TNIK: variants seen among roughly 807,000 people sequenced by gnomAD.
TNIK encodes the protein TRAF2 and NCK-interacting protein kinase.
TNIK carries 49 observed loss-of-function variants against 191.3 expected under a neutral mutation model. That is an observed-to-expected ratio of 0.26 (90% confidence interval 0.20 to 0.32). The LOEUF is 0.32. Ranked by LOEUF, TNIK falls within the 10% of genes least tolerant of loss-of-function variation. TNIK has a pLI of 1.00. For missense variants in TNIK, 1,155 were observed against 1,702.3 expected, an observed-to-expected ratio of 0.68 and a Z score of 5.66; for synonymous variants, 594 against 600.9, an observed-to-expected ratio of 0.99 and a Z score of 0.17.
intron 1 of TNIK, among the ~76,000 whole-genome samples, chr3:171,413,967 A>G (rs1722729181): frequency 6.6e-6 from 1 of 152,162 alleles, no homozygotes; most frequent in Non-Finnish European, 1.5e-5. Flanking sequence ...TGTCAGCTAT[A>G]ATTATTATCA....
intron 15 of TNIK, among the ~76,000 whole-genome samples, chr3:171,131,085 T>G (rs34983268): frequency 0.1 from 14,863 of 144,470 alleles, 859 homozygotes; most frequent in African/African-American, 0.17. Context: ...CATTAGAAAT[T>G]AACAGGGCAT....
chr3:171,149,633 G>A (rs1045995682), intron 12 of TNIK, among the ~76,000 whole-genome samples: 15 of 152,204 alleles, frequency 9.9e-5, no homozygotes, highest in East Asian at 1.9e-4. Context: ...CAGATGACAC[G>A]GCTCCCTGAA....
chr3:171,197,276 T>A, intron 4 of TNIK, among the ~76,000 whole-genome samples: 1 of 152,052 alleles, frequency 6.6e-6, no homozygotes, highest in East Asian at 1.9e-4. Context: ...GACCTAAATA[T>A]AAGAGCTAAC....
At chr3:171,194,134 T>C (rs1560243007) in intron 5 of TNIK, among the ~76,000 whole-genome samples, 1 of 152,220 alleles carries the variant, frequency 6.6e-6, no homozygotes, top group Non-Finnish European at 1.5e-5. Flanking sequence ...TTGTGAACTT[T>C]CACAAACAGA....
chr3:171,383,425 T>G (rs751167752), intron 1 of TNIK, among the ~76,000 whole-genome samples: 3 of 152,238 alleles, frequency 2.0e-5, no homozygotes, highest in Non-Finnish European at 4.4e-5. Flanking sequence ...GGCAACGTTC[T>G]CTGACTGCTG....
chr3:171,393,439 C>A (rs1025951914), intron 1 of TNIK, among the ~76,000 whole-genome samples: 7 of 152,222 alleles, frequency 4.6e-5, no homozygotes. Flanking sequence ...AAGGGCAGAT[C>A]TCTAAATTAT....
intron 8 of TNIK, among the ~76,000 whole-genome samples, chr3:171,175,723 A>C (rs542972351): frequency 1.2e-4 from 18 of 152,334 alleles, no homozygotes; most frequent in South Asian, 4.1e-4. Flanking sequence ...CTAAGCCATA[A>C]ATAAAAGGCA....
chr3:171,094,259 C>T (rs568957492), intron 22 of TNIK, among the ~76,000 whole-genome samples: 111 of 151,870 alleles, frequency 7.3e-4, no homozygotes, highest in Non-Finnish European at 1.4e-3. Flanking sequence ...CTCAGCCTCC[C>T]GAGTAGCTGG....
intron 1 of TNIK, among the ~76,000 whole-genome samples, chr3:171,376,742 T>C (rs566472572): frequency 6.9e-6 from 1 of 144,360 alleles, no homozygotes; most frequent in Non-Finnish European, 1.5e-5. Context: ...GATAGATAGA[T>C]AGATGATAGA....
Position 171,128,739 on chromosome 3 carries a change from G to C in TNIK, c.1748C>G (p.Pro583Arg), listed in dbSNP as rs565066249. The change falls in exon 16 of 33, where the codon CCC (proline) becomes CGC (arginine). Residue 583 changes from proline to arginine, a missense_variant. Around this residue, in one of 3 missense-constraint regions of TNIK, gnomAD observed 735 missense variants for 848.0 expected, o/e 0.87. Transcript: ENST00000436636. ...CTGGGGATCGACTGGTCTGAGCATG[G>C]GGGGTGTTCGAGCAGGCTGAACTCC... ...ISGVQPARTP[P>R]MLRPVDPQIP... 6.2e-7 allele frequency: 1 copy of C among 1,613,466 alleles called. No homozygotes were observed.
chr3:171,356,179 T>C (rs1559967590), intron 2 of TNIK, among the ~76,000 whole-genome samples: 1 of 150,906 alleles, frequency 6.6e-6, no homozygotes, highest in African/African-American at 2.5e-5. Context: ...AGAGTTTTTC[T>C]GGGGGGAAAA....
At chr3:171,383,164 A>G (rs1167126884) in intron 1 of TNIK, among the ~76,000 whole-genome samples, 3 of 152,120 alleles carry the variant, frequency 2.0e-5, no homozygotes, top group Non-Finnish European at 4.4e-5. Flanking sequence ...AAACAGTAAA[A>G]TCCCTTCCAA....
intron 2 of TNIK, among the ~76,000 whole-genome samples, chr3:171,358,402 G>T (rs1174561574): frequency 6.6e-6 from 1 of 152,038 alleles, no homozygotes; most frequent in Non-Finnish European, 1.5e-5. Flanking sequence ...GCTTGTGTAG[G>T]GCAACTCCCC....
At chr3:171,290,432 T>A (rs1307352783) in intron 2 of TNIK, among the ~76,000 whole-genome samples, 1 of 152,234 alleles carries the variant, frequency 6.6e-6, no homozygotes, top group East Asian at 1.9e-4. Flanking sequence ...TCATTGACTC[T>A]ATTTTGAGTA....
At chr3:171,113,966 G>T (rs1726273638) in intron 18 of TNIK, among the ~76,000 whole-genome samples, 1 of 147,736 alleles carries the variant, frequency 6.8e-6, no homozygotes, top group African/African-American at 2.5e-5. Context: ...AGTGGTGCTG[G>T]GAGGCAGCTG....
chr3:171,451,429 C>A (rs750962499), intron 1 of TNIK, among the ~76,000 whole-genome samples: 8 of 152,328 alleles, frequency 5.3e-5, no homozygotes, highest in Non-Finnish European at 8.8e-5. Context: ...TCAGGAGATA[C>A]CTCATGCTAA....
At chr3:171,407,817 A>G (rs546807544) in intron 1 of TNIK, among the ~76,000 whole-genome samples, 6 of 152,364 alleles carry the variant, frequency 3.9e-5, no homozygotes, top group South Asian at 4.1e-4. Context: ...GCGCCCATCT[A>G]TCTCATCAGG....
chr3:171,442,661 T>A (rs917693219), intron 1 of TNIK, among the ~76,000 whole-genome samples: 23 of 152,198 alleles, frequency 1.5e-4, no homozygotes, highest in Non-Finnish European at 1.0e-4. Flanking sequence ...TGAGGACCTA[T>A]AATAATTATC....
At chr3:171,171,411 C>T (rs1362760776) in intron 9 of TNIK, among the ~76,000 whole-genome samples, 1 of 152,042 alleles carries the variant, frequency 6.6e-6, no homozygotes, top group Non-Finnish European at 1.5e-5. Flanking sequence ...AAGCAGGAGG[C>T]TGGGTCCAGG....
Sources: gnomAD v4.1 joint callset for allele counts (sites outside exome capture counted in the v4.1 genomes callset) on GRCh38, gnomAD v4.1.1 for gene constraint, gnomAD v4.1.1 regional missense constraint, MANE v1.5 for transcripts, NCBI Gene and HGNC (gene_info 2026-07-23, HGNC 2026-07-21) for gene names.